ELAC2: variants seen among roughly 807,000 people sequenced by gnomAD.
ELAC2 encodes the protein elaC ribonuclease Z 2, also known as zinc phosphodiesterase ELAC protein 2.
In ELAC2, 92 loss-of-function variants were observed where a neutral mutation model predicts 105.2. That is an observed-to-expected ratio of 0.87 (90% CI 0.74 to 1.04). The LOEUF is 1.04. Among genes scored for constraint, ELAC2 ranks in the 50% least tolerant of loss-of-function variants. The pLI is 0.00. For missense variants in ELAC2, 1,099 were observed against 1,071.7 expected, an observed-to-expected ratio of 1.03 and a Z score of -0.36; for synonymous variants, 468 against 409.1, an observed-to-expected ratio of 1.14 and a Z score of -1.74.
At chr17:13,011,581 A>G in intron 7 of ELAC2, 82 bp downstream of exon 7, 1 of 1,608,224 alleles carries the variant, frequency 6.2e-7, no homozygotes, top group African/African-American at 1.3e-5. Context: ...TTCTTACAAT[A>G]ATGACTCTCT....
intron 10 of ELAC2, among the ~76,000 whole-genome samples, 183 bp downstream of exon 10, chr17:13,005,570 C>T (rs374306604): frequency 6.5e-4 from 99 of 152,280 alleles, no homozygotes; most frequent in African/African-American, 2.2e-3. Flanking sequence ...TGCTCGAATG[C>T]AGCCGTGTTG....
In ELAC2 at chr17:13,002,512, G is replaced by T. The variant is rs187129692; in HGVS notation, c.1147C>A (p.His383Asn). 8 of 1,605,512 alleles carry T rather than the reference G, an allele frequency of 5.0e-6. No homozygotes were observed. Among genetic ancestry groups the T allele is most frequent in the Non-Finnish European group, 6.0e-6 (7 of 1,175,494 alleles). ...NCASVHNLRS[H>N]KIQTQLNLIH... ...AGGTTGAGCTGGGTTTGAATCTTGTGGCTGCGAAGGTTGTGAACTGAGGCA... is the reference window on the plus strand; with the variant it reads ...AGGTTGAGCTGGGTTTGAATCTTGTTGCTGCGAAGGTTGTGAACTGAGGCA... The change falls in exon 13 of 24, where the codon CAC (histidine) becomes AAC (asparagine). Residue 383 changes from histidine to asparagine, a missense_variant. Coordinates refer to ENST00000338034, the MANE Select transcript of ELAC2 (RefSeq NM_018127.7).
intron 3 of ELAC2, 100 bp downstream of exon 3, chr17:13,016,762 A>G: frequency 2.5e-6 from 3 of 1,201,088 alleles, no homozygotes; most frequent in Non-Finnish European, 3.5e-6. Context: ...AAAAAAAAAA[A>G]AAAAAGTAGC....
rs1340071396 is a variant in ELAC2, at chr17:12,995,851, C to T, written c.1699-39G>A. 5 of 1,589,258 alleles carry T rather than the reference C, an allele frequency of 3.1e-6. No homozygotes were observed. In the South Asian group the frequency reaches 4.6e-5, roughly 15 times the overall value. ...TGCAAGTGCCGACTCGACGACAGAA[C>T]ATCTCAATAAAAACTGGAGTGCCAA... On this transcript the variant is annotated intron_variant, in intron 18 of 23. Coordinates refer to ENST00000338034, the MANE Select transcript of ELAC2 (RefSeq NM_018127.7).
chr17:13,014,452 T>C lies in ELAC2; in HGVS notation c.477A>G (p.Lys159=). The C allele has an allele frequency of 6.2e-7, 1 of 1,613,644 alleles. No homozygotes were observed. Among genetic ancestry groups the C allele is most frequent in the Non-Finnish European group, 8.5e-7 (1 of 1,179,554 alleles). ...ACAAAGACGTACCCAGTTCTATTCC[T>C]TTCAATGGACCAGAAAATATTTTGA... is the stretch of plus-strand genomic sequence containing the variant. ...EAIKIFSGPL[K]GIELAVRPHS... The change falls in exon 5 of 24, where the codon AAA becomes AAG. Residue 159 remains lysine, a synonymous_variant. Coordinates refer to ENST00000338034, the MANE Select transcript of ELAC2 (RefSeq NM_018127.7).
intron 1 of ELAC2, chr17:13,017,329 G>T: frequency 1.5e-6 from 1 of 647,700 alleles, no homozygotes; most frequent in Non-Finnish European, 2.7e-6. Flanking sequence ...GTGTGTGTGG[G>T]TGCTAGGACA....
intron 14 of ELAC2, among the ~76,000 whole-genome samples, chr17:13,001,194 G>A (rs2040786167): frequency 6.6e-6 from 1 of 152,192 alleles, no homozygotes; most frequent in Non-Finnish European, 1.5e-5. Context: ...TCAAGGTTCA[G>A]ATCCTTAAAA....
In ELAC2 at chr17:13,010,416, G is replaced by C. The variant is rs1160770978; in HGVS notation, c.738+197C>G. On this transcript the variant is annotated intron_variant, in intron 8 of 23. Coordinates refer to ENST00000338034, the MANE Select transcript of ELAC2 (RefSeq NM_018127.7). Reference sequence around the variant, plus strand: ...AAACTCCTGACCTCGTGATCCACCTGCCTTGGACTCCCAAAGTGCTGGGAT... The same window carrying C: ...AAACTCCTGACCTCGTGATCCACCTCCCTTGGACTCCCAAAGTGCTGGGAT... Among the ~76,000 whole-genome samples, 5 of 152,204 alleles carry C rather than the reference G, an allele frequency of 3.3e-5. No individual in the cohort carries two copies. In the South Asian group the frequency reaches 8.3e-4, roughly 25 times the overall value.
chr17:12,993,091 G>T (rs762446590), intron 23 of ELAC2, 46 bp from the exon 24 acceptor site: 1 of 1,580,710 alleles, frequency 6.3e-7, no homozygotes, highest in Non-Finnish European at 8.6e-7. Context: ...GAGGGGCAGG[G>T]GTGGGGGACA....
rs1391485002 is a variant in ELAC2, at chr17:13,000,338, T to G, written c.1305-64A>C. On this transcript the variant is annotated intron_variant, in intron 14 of 23. Transcript: ENST00000338034. ...GGTATATGGCCTCAGCAGACCCCAT[T>G]GGGGATGTCCAGAATAAATTCAGGG... The G allele has an allele frequency of 2.8e-6, 4 of 1,423,164 alleles. No homozygotes were observed. In the East Asian group the frequency reaches 6.8e-5, roughly 24 times the overall value. The allele number at this position is 1,423,164 out of a possible 1,614,324, so 88.2% of individuals were successfully genotyped here. A position where few individuals can be genotyped will look rare whatever the true frequency, so the allele number is the denominator to read the frequency against.
chr17:13,016,404 C>G (rs557883189), intron 3 of ELAC2, among the ~76,000 whole-genome samples: 5 of 152,288 alleles, frequency 3.3e-5, no homozygotes, highest in African/African-American at 1.2e-4. Context: ...TGGATGGTAA[C>G]ACTTAAGAGG....
chr17:13,017,018 G>A (rs2041770117), intron 2 of ELAC2, 53 bp downstream of exon 2: 2 of 1,612,318 alleles, frequency 1.2e-6, no homozygotes, highest in South Asian at 2.2e-5. Context: ...CTCTCATTTC[G>A]GCTTTCAAGC....
chr17:12,992,856 T>C lies in ELAC2; in HGVS notation c.2443A>G (p.Thr815Ala). ...ACCTTCTTGGCCTGTGGCTCCTCTGTGTGGGCCCGCTTCTGCTGAGGCTCC... is the reference window on the plus strand; with the variant it reads ...ACCTTCTTGGCCTGTGGCTCCTCTGCGTGGGCCCGCTTCTGCTGAGGCTCC... Reference protein sequence around the residue: ...DGEPQQKRAHTEEPQAKKVRA... With the variant: ...DGEPQQKRAHAEEPQAKKVRA... Residue 815 changes from threonine (T) to alanine (A), a missense_variant, in exon 24 of 24, where the codon ACA (threonine) becomes GCA (alanine). Thr to Ala is a moderately conservative substitution (Grantham distance 58). Transcript: ENST00000338034. The C allele has an allele frequency of 6.2e-7, 1 of 1,608,654 alleles. No individual in the cohort carries two copies. The highest frequency in any genetic ancestry group is 1.1e-5 in the South Asian group (1 of 91,076).
At chr17:13,016,307 GC>G (rs2041717898) in intron 3 of ELAC2, among the ~76,000 whole-genome samples, 1 of 152,196 alleles carries the variant, frequency 6.6e-6, no homozygotes, top group African/African-American at 2.4e-5. Context: ...AATGGCGTCT[GC>G]GGTAAACATA....
At chr17:12,993,162 C>G in intron 23 of ELAC2, 117 bp from the exon 24 acceptor site, 1 of 1,086,972 alleles carries the variant, frequency 9.2e-7, no homozygotes. Context: ...TTCCTTGGCA[C>G]AAGCCAACAG....
intron 14 of ELAC2, among the ~76,000 whole-genome samples, chr17:13,001,933 C>A (rs1032015406): frequency 6.6e-6 from 1 of 152,192 alleles, no homozygotes; most frequent in Non-Finnish European, 1.5e-5. Flanking sequence ...TGACTTTGTT[C>A]ATCACACATT....
chr17:12,995,039 T>C lies in ELAC2; in HGVS notation c.1832A>G (p.Gln611Arg), dbSNP rs951245217. Reference protein sequence around the residue: ...HISMIPAKCLQEGAEISSPAV... With the variant: ...HISMIPAKCLREGAEISSPAV... ...AGGACTGGAGATCTCAGCCCCTTCC[T>C]GAAGGCATTTGGCAGGAATCATACT... The change falls in exon 20 of 24, where the codon CAG becomes CGG. Residue 611 changes from glutamine to arginine, a missense_variant. Physicochemically the swap from Gln to Arg is conservative, Grantham distance 43. Transcript: ENST00000338034. The C allele has an allele frequency of 6.2e-7, 1 of 1,614,220 alleles. No individual in the cohort carries two copies. The highest frequency in any genetic ancestry group is 1.6e-4 in the Middle Eastern group (1 of 6,062).
chr17:13,005,165 C>A (rs2041035307), intron 10 of ELAC2, 64 bp from the exon 11 acceptor site: 1 of 1,124,180 alleles, frequency 8.9e-7, no homozygotes, highest in African/African-American at 1.5e-5. Flanking sequence ...GAACTGCCTT[C>A]AAGGCAACTG....
intron 15 of ELAC2, among the ~76,000 whole-genome samples, chr17:12,999,329 G>C (rs2040636523): frequency 6.6e-6 from 1 of 152,218 alleles, no homozygotes; most frequent in African/African-American, 2.4e-5. Flanking sequence ...AGCCCTACCA[G>C]GTAGGAAATG....
Sources: allele counts gnomAD v4.1 joint callset (sites outside exome capture counted in the v4.1 genomes callset), GRCh38; gene constraint gnomAD v4.1.1; transcripts MANE v1.5; gene names NCBI Gene and HGNC (gene_info 2026-07-23, HGNC 2026-07-21).